The following STOX2 variants were observed in gnomAD, a reference collection of about 807,000 sequenced individuals.
The protein encoded by STOX2 is storkhead box 2, also known as storkhead-box protein 2.
In STOX2, 28 loss-of-function variants were observed where a neutral mutation model predicts 60.9. The ratio of observed to expected loss-of-function variants is 0.46; its 90% CI spans 0.34 to 0.63. The LOEUF is 0.63. Among genes scored for constraint, STOX2 ranks in the 30% least tolerant of loss-of-function variants. The pLI, the probability that STOX2 is intolerant of heterozygous loss-of-function variation, is 0.01. For synonymous variants in STOX2, 472 were observed against 463.9 expected (o/e 1.02, Z -0.22); for missense variants, 1,024 against 1,187.7 (o/e 0.86, Z 2.03).
intron 1 of STOX2, among the ~76,000 whole-genome samples, chr4:183,849,473 C>T (rs1467264521): frequency 6.6e-6 from 1 of 152,204 alleles, no homozygotes; most frequent in Non-Finnish European, 1.5e-5. Context: ...CATACAAGAA[C>T]TCTTTTGGAG....
At chr4:183,971,622 G>A (rs189880069) in intron 1 of STOX2, among the ~76,000 whole-genome samples, 8 of 152,356 alleles carry the variant, frequency 5.3e-5, no homozygotes, top group African/African-American at 1.4e-4. Flanking sequence ...TATCACAGAG[G>A]TGGGAAAAGG....
rs151039136 is a variant in STOX2, at chr4:183,997,092, G to A, written c.167-4233G>A. Among the ~76,000 whole-genome samples, 706 of 152,324 alleles carry A rather than the reference G, an allele frequency of 4.6e-3. 10 individuals carry two copies. The highest frequency in any genetic ancestry group is 0.016 in the African/African-American group (674 of 41,574). On this transcript the variant is annotated intron_variant, in intron 1 of 3. Transcript: ENST00000308497. ...TCATGGAGCTTACATTCAAGTGGGT[G>A]AGACAGACAGTAAACCAGTGAACCA...
At chr4:183,846,948 G>A (rs1740003533) in intron 1 of STOX2, among the ~76,000 whole-genome samples, 1 of 152,060 alleles carries the variant, frequency 6.6e-6, no homozygotes, top group African/African-American at 2.4e-5. Context: ...TCTTTGTTTA[G>A]TGACTTTTAG....
At chr4:183,931,503 A>G (rs1397536207) in intron 1 of STOX2, among the ~76,000 whole-genome samples, 3 of 152,162 alleles carry the variant, frequency 2.0e-5, no homozygotes, top group Non-Finnish European at 4.4e-5. Context: ...AGAGATATCT[A>G]GTGTCTATAT....
chr4:183,985,098 C>T (rs1488050570), intron 1 of STOX2, among the ~76,000 whole-genome samples: 3 of 152,058 alleles, frequency 2.0e-5, no homozygotes, highest in Non-Finnish European at 4.4e-5. Context: ...CAGGGGCAGT[C>T]GTTAGGGGTC....
At chr4:183,851,557 C>G (rs1173517624) in intron 1 of STOX2, among the ~76,000 whole-genome samples, 154 of 21,254 alleles carry the variant, frequency 7.2e-3, no homozygotes, top group Admixed American at 9.8e-3. Context: ...ATGAGAGAAA[C>G]GATGAGGGAA....
intron 1 of STOX2, among the ~76,000 whole-genome samples, chr4:183,912,850 T>C (rs1741820188): frequency 6.6e-6 from 1 of 152,212 alleles, no homozygotes; most frequent in Non-Finnish European, 1.5e-5. Flanking sequence ...GGTCTCGAAG[T>C]CCTAATGTGA....
chr4:183,833,528 G>C (rs924523886), intron 1 of STOX2, among the ~76,000 whole-genome samples: 1 of 152,050 alleles, frequency 6.6e-6, no homozygotes, highest in African/African-American at 2.4e-5. Flanking sequence ...TGCAAACAGT[G>C]GTATGTCAGA....
intron 1 of STOX2, among the ~76,000 whole-genome samples, chr4:183,872,931 A>G (rs1407783381): frequency 2.0e-5 from 3 of 152,326 alleles, no homozygotes; most frequent in African/African-American, 7.2e-5. Context: ...CATGAAGGCC[A>G]TGGAATCAAT....
intron 1 of STOX2, among the ~76,000 whole-genome samples, chr4:183,925,623 C>A (rs148243503): frequency 7.0e-4 from 106 of 152,282 alleles, no homozygotes; most frequent in African/African-American, 2.4e-3. Flanking sequence ...AAGCTTTTGT[C>A]AGATATGACT....
intron 1 of STOX2, among the ~76,000 whole-genome samples, chr4:183,824,297 T>C (rs923533645): frequency 2.0e-5 from 3 of 152,234 alleles, no homozygotes; most frequent in Non-Finnish European, 4.4e-5. Context: ...CACCACCTGC[T>C]AATGTTCCTC....
rs144902668 is a variant in STOX2 at position 183,877,691 on chromosome 4, G to C, written c.364+79636G>C. Among the ~76,000 whole-genome samples, 5 of 152,140 alleles carry C rather than the reference G, an allele frequency of 3.3e-5. No homozygotes were observed. The East Asian group carries it at 9.7e-4, about 29-fold the overall frequency. ...TTCCGCTGCTGCTGCTGCTGCTGCT[G>C]TGTTTTTGAGAAGGAATCTCGCTCT... On this transcript the variant is annotated intron_variant, in intron 1 of 2. Transcript: ENST00000513034.
intron 1 of STOX2, among the ~76,000 whole-genome samples, chr4:183,984,322 C>T (rs928014507): frequency 2.6e-5 from 4 of 152,178 alleles, no homozygotes; most frequent in Admixed American, 2.6e-4. Context: ...TTCTTTTCTT[C>T]AAAATTCTTG....
intron 1 of STOX2, among the ~76,000 whole-genome samples, chr4:183,959,798 T>C (rs1486197411): frequency 1.3e-5 from 2 of 152,180 alleles, no homozygotes; most frequent in Non-Finnish European, 2.9e-5. Context: ...TTCAGTGATG[T>C]TCATGATTTG....
chr4:183,970,705 G>A (rs1450050189), intron 1 of STOX2, among the ~76,000 whole-genome samples: 1 of 152,244 alleles, frequency 6.6e-6, no homozygotes, highest in Non-Finnish European at 1.5e-5. Flanking sequence ...CCAAAGTGCT[G>A]CAGCCAGCAG....
chr4:183,825,952 T>C lies in STOX2; in HGVS notation c.364+27897T>C, dbSNP rs112140165. 4.7e-3 allele frequency among the ~76,000 whole-genome samples: 710 copies of C among 152,276 alleles called. 5 individuals are homozygous for C. Among genetic ancestry groups the C allele is most frequent in the African/African-American group, 0.016 (684 of 41,546 alleles). ...AGCTGAAAATCGACACCATTTGCAG[T>C]CGCTGAAACCTTTGGGTAATCTATC... On this transcript the variant is annotated intron_variant, in intron 1 of 2. Coordinates refer to the STOX2 transcript ENST00000513034. This position sits in a 1 kb window ranked among gnomAD's most constrained non-coding sequence, Gnocchi z 4.1.
At chr4:183,953,551 AGGT>A (rs1051278070) in intron 1 of STOX2, among the ~76,000 whole-genome samples, 3 of 145,966 alleles carry the variant, frequency 2.1e-5, no homozygotes, top group Non-Finnish European at 3.0e-5. Flanking sequence ...ACTATTTATG[AGGT>A]ATACATGATT....
chr4:183,824,426 A>C (rs1560832503), intron 1 of STOX2, among the ~76,000 whole-genome samples: 1 of 152,192 alleles, frequency 6.6e-6, no homozygotes, highest in Non-Finnish European at 1.5e-5. Context: ...ATCTGATTTG[A>C]AAAGGCACGC....
chr4:183,815,335 G>C (rs984136418), intron 1 of STOX2, among the ~76,000 whole-genome samples: 32 of 151,942 alleles, frequency 2.1e-4, no homozygotes, highest in Non-Finnish European at 3.5e-4. Context: ...GTGGGGAAAT[G>C]GAATTGTAGT....
Sources: allele counts gnomAD v4.1 joint callset (sites outside exome capture counted in the v4.1 genomes callset), GRCh38; gene constraint gnomAD v4.1.1; non-coding constraint Gnocchi (gnomAD v3.1); transcripts MANE v1.5; gene names NCBI Gene and HGNC (gene_info 2026-07-23, HGNC 2026-07-21).